Variants in ACIN1 observed in about 807,000 individuals in gnomAD.
ACIN1 encodes the protein apoptotic chromatin condensation inducer in the nucleus.
A neutral mutation model predicts 146.6 loss-of-function variants in ACIN1; 16 were observed. That is an observed-to-expected ratio of 0.11 (90% CI 0.07 to 0.17). The LOEUF (loss-of-function observed/expected upper bound fraction) is 0.17. Ranked by LOEUF, ACIN1 falls within the 10% of genes least tolerant of loss-of-function variation. The probability of loss-of-function intolerance (pLI) is 1.00; values close to 1 mark genes in which losing one functional copy is unlikely to be tolerated. For synonymous variants in ACIN1, 569 were observed against 582.7 expected (o/e 0.98, Z 0.34); for missense variants, 1,357 against 1,609.3 (o/e 0.84, Z 2.68).
Position 23,079,974 on chromosome 14 carries a change from T to C in ACIN1, c.1361A>G (p.Tyr454Cys), listed in dbSNP as rs112438189. 17 of 1,614,058 alleles carry C rather than the reference T, an allele frequency of 1.1e-5. No individual in the cohort carries two copies. Among genetic ancestry groups the C allele is most frequent in the African/African-American group, 9.3e-5 (7 of 74,998 alleles). The part of the protein sequence containing the change: ...PLVQKSTLAD[Y>C]SAQKDLEPES... ...AGGTTCAAGATCCTTCTGGGCTGAGTAGTCAGCCAGTGTGCTTTTCTGAAC... is the reference window on the plus strand; with the variant it reads ...AGGTTCAAGATCCTTCTGGGCTGAGCAGTCAGCCAGTGTGCTTTTCTGAAC... Residue 454 changes from tyrosine to cysteine, a missense_variant, in exon 6 of 19, where the codon TAC becomes TGC. Tyr to Cys is a radical substitution (Grantham distance 194). Around this residue, in one of 4 missense-constraint regions of ACIN1, gnomAD observed 771 missense variants for 746.6 expected, o/e 1.03. Coordinates refer to ENST00000605057, the MANE Select transcript of ACIN1 (RefSeq NM_001386863.1).
chr14:23,084,784 G>A (rs1027610809), intron 4 of ACIN1, among the ~76,000 whole-genome samples: 1 of 152,104 alleles, frequency 6.6e-6, no homozygotes, highest in Non-Finnish European at 1.5e-5. Flanking sequence ...GTTCATACAG[G>A]ATATATGATT....
chr14:23,069,709 C>A, intron 8 of ACIN1, 92 bp from the exon 9 acceptor site: 1 of 1,230,742 alleles, frequency 8.1e-7, no homozygotes, highest in Non-Finnish European at 1.1e-6. Context: ...TCAGGAAACC[C>A]TCCTGCCTCA....
chr14:23,087,408 T>C (rs1208581931), intron 4 of ACIN1, among the ~76,000 whole-genome samples: 4 of 152,060 alleles, frequency 2.6e-5, no homozygotes, highest in Non-Finnish European at 5.9e-5. Flanking sequence ...ACTCTACAAT[T>C]TACCACATTC....
chr14:23,061,576 T>G lies in ACIN1; in HGVS notation c.3146A>C (p.Lys1049Thr). ...GLLVDRPSET[K>T]TEEQGIPRPL... ...CCGTGGTATTCCCTGCTCCTCTGTCTTAGTTTCAGAGGGACGGTCCACCAA... is the reference window on the plus strand; with the variant it reads ...CCGTGGTATTCCCTGCTCCTCTGTCGTAGTTTCAGAGGGACGGTCCACCAA... The change falls in exon 17 of 19, where the codon AAG becomes ACG. Residue 1049 changes from lysine to threonine, a missense_variant. Lys to Thr is a moderately conservative substitution (Grantham distance 78). This residue lies in a region of ACIN1 where 509 missense variants were observed against 719.6 expected (regional missense o/e 0.71). Transcript: ENST00000605057. 6.4e-7 allele frequency: 1 copy of G among 1,564,250 alleles called. No homozygotes were observed. Among genetic ancestry groups the G allele is most frequent in the Admixed American group, 1.8e-5 (1 of 54,178 alleles).
In ACIN1 at chr14:23,064,134, C is replaced by G. The variant is rs763534511; in HGVS notation, c.2566G>C (p.Gly856Arg). 7 of 1,614,070 alleles carry G rather than the reference C, an allele frequency of 4.3e-6. No individual in the cohort carries two copies. The highest frequency in any genetic ancestry group is 5.9e-6 in the Non-Finnish European group (7 of 1,180,056). Reference protein sequence around the residue: ...RNGDDGTHDKGLKICRTVTQV... With the variant: ...RNGDDGTHDKRLKICRTVTQV... Reference sequence around the variant, plus strand: ...GTGACTGTCCGGCATATTTTCAGCCCCTTGTCATGGGTCCCATCATCGCCA... The same window carrying G: ...GTGACTGTCCGGCATATTTTCAGCCGCTTGTCATGGGTCCCATCATCGCCA... The change falls in exon 12 of 19, where the codon GGG becomes CGG. Residue 856 changes from glycine to arginine, a missense_variant. By Grantham distance (125) the Gly-to-Arg change is moderately radical. Transcript: ENST00000605057.
At chr14:23,095,205 C>A (rs779332236), upstream of ACIN1, 1 of 1,614,248 alleles carries the variant, frequency 6.2e-7, no homozygotes, top group Admixed American at 1.7e-5. Flanking sequence ...TGACCCCGCC[C>A]ACTGCCATAC....
chr14:23,062,420 A>G lies in ACIN1; in HGVS notation c.2987T>C (p.Val996Ala). The change falls in exon 15 of 19, where the codon GTA (valine) becomes GCA (alanine). Residue 996 changes from valine (V) to alanine (A), a missense_variant. Around this residue, in one of 4 missense-constraint regions of ACIN1, gnomAD observed 509 missense variants for 719.6 expected, o/e 0.71. Transcript: ENST00000605057. ...GAATCAGCTTCTTCCCCTCACCGTT[A>G]CAAAGCAATGAGATTTGATCTTGTC... ...WIDKIKSHCFVTYSTVEEAVA... is the reference protein window; with the variant it reads ...WIDKIKSHCFATYSTVEEAVA... 6.2e-7 allele frequency: 1 copy of G among 1,614,114 alleles called. No homozygotes were observed.
intron 3 of ACIN1, 99 bp from the exon 4 acceptor site, chr14:23,090,200 C>T: frequency 6.8e-7 from 1 of 1,476,764 alleles, no homozygotes; most frequent in Non-Finnish European, 9.1e-7. Context: ...GTCACAGATA[C>T]AGAGATACAT....
Position 23,067,402 on chromosome 14 carries a change from G to A in ACIN1, c.2266-1394C>T, listed in dbSNP as rs2047491101. 1 of 985,582 alleles carries A rather than the reference G, an allele frequency of 1.0e-6. No individual in the cohort carries two copies. The highest frequency in any genetic ancestry group is 6.2e-5 in the Admixed American group (1 of 16,234). 61.1% of individuals were successfully genotyped at this position (985,582 alleles called of 1,614,324 possible). Reference sequence around the variant, plus strand: ...AATCAGAATGAGCCCTCCCTGCTAGGCGCTGTGCAATTGGTGGGGGGTTGG... The same window carrying A: ...AATCAGAATGAGCCCTCCCTGCTAGACGCTGTGCAATTGGTGGGGGGTTGG... On this transcript the variant is annotated intron_variant, in intron 9 of 18. Coordinates refer to ENST00000605057, the MANE Select transcript of ACIN1 (RefSeq NM_001386863.1). The surrounding 1 kb of genome is among the most constrained non-coding windows in gnomAD (Gnocchi z 4.6).
chr14:23,085,640 A>G (rs1459692974), intron 4 of ACIN1, among the ~76,000 whole-genome samples: 1 of 152,224 alleles, frequency 6.6e-6, no homozygotes, highest in African/African-American at 2.4e-5. Context: ...CTCAGACATG[A>G]AACAAGAAAT....
intron 18 of ACIN1, among the ~76,000 whole-genome samples, chr14:23,059,777 C>T (rs945275113): frequency 2.0e-5 from 3 of 151,668 alleles, no homozygotes; most frequent in Admixed American, 1.3e-4. Flanking sequence ...CCTCAGCCTG[C>T]TGAGCAGCTG....
chr14:23,064,053 C>G, intron 12 of ACIN1, 52 bp downstream of exon 12: 1 of 1,606,344 alleles, frequency 6.2e-7, no homozygotes, highest in Non-Finnish European at 8.5e-7. Context: ...GCTAGCTGCT[C>G]TGCATCTACT....
intron 4 of ACIN1, among the ~76,000 whole-genome samples, chr14:23,086,127 T>A (rs1430872173): frequency 6.6e-6 from 1 of 152,138 alleles, no homozygotes; most frequent in Non-Finnish European, 1.5e-5. Context: ...GAAGCAGGAA[T>A]GAAGAGAATA....
chr14:23,062,327 C>T lies in ACIN1; in HGVS notation c.2992-52G>A, dbSNP rs780228258. ...GGTCACAGTGTGTCTGCAACCCTTC[C>T]CACGTGCTGCAACACCCTTAAACCT... On this transcript the variant is annotated intron_variant, in intron 15 of 18. Transcript: ENST00000605057. The T allele has an allele frequency of 6.9e-6, 11 of 1,592,768 alleles. No individual in the cohort carries two copies. In the South Asian group the frequency reaches 1.1e-4, roughly 16 times the overall value.
chr14:23,080,425 T>C lies in ACIN1; in HGVS notation c.910A>G (p.Lys304Glu). 1 of 1,614,156 alleles carries C rather than the reference T, an allele frequency of 6.2e-7. No homozygotes were observed. Residue 304 changes from lysine to glutamate, a missense_variant, in exon 6 of 19, where the codon AAA becomes GAA. Physicochemically the swap from Lys to Glu is moderately conservative, Grantham distance 56 (BLOSUM62 1). Around this residue, in one of 4 missense-constraint regions of ACIN1, gnomAD observed 771 missense variants for 746.6 expected, o/e 1.03. Transcript: ENST00000605057. ...TCCTCCTCAAGGGGAGATGTTGTTT[T>C]CATTTCCTTCTCCTGCTGCTGTCTG... ...LARQQQEKEM[K>E]TTSPLEEEER...
intron 8 of ACIN1, chr14:23,071,149 A>G: frequency 2.6e-6 from 4 of 1,551,352 alleles, no homozygotes; most frequent in Non-Finnish European, 3.5e-6. Flanking sequence ...TGATAACATG[A>G]TTTTTTTTCT....
At chr14:23,094,776 G>A in intron 1 of ACIN1, 199 bp downstream of exon 1, 2 of 856,706 alleles carry the variant, frequency 2.3e-6, no homozygotes, top group Non-Finnish European at 3.5e-6. Flanking sequence ...GGCTCGCGCT[G>A]CTGCCGTTAA....
At chr14:23,063,129 C>T in intron 13 of ACIN1, 55 bp from the exon 14 acceptor site, 2 of 1,525,174 alleles carry the variant, frequency 1.3e-6, no homozygotes, top group South Asian at 2.5e-5. Context: ...TGGCTCTTTT[C>T]ACCCTCAATG....
rs541271145 is a variant in ACIN1 at position 23,074,898 on chromosome 14, G to A, written c.2123+3253C>T. On this transcript the variant is annotated intron_variant, in intron 8 of 18. Transcript: ENST00000605057. ...TTAGTTATTATAGAAAATTCACGAGGAGCTGAAAAACTGACGTGAAAATTT... is the reference window on the plus strand; with the variant it reads ...TTAGTTATTATAGAAAATTCACGAGAAGCTGAAAAACTGACGTGAAAATTT... 1.4e-4 allele frequency among the ~76,000 whole-genome samples: 21 copies of A among 152,260 alleles called. 1 individual carries two copies. The highest frequency in any genetic ancestry group is 4.8e-4 in the African/African-American group (20 of 41,538).
Sources: allele counts gnomAD v4.1 joint callset (sites outside exome capture counted in the v4.1 genomes callset), GRCh38; gene constraint gnomAD v4.1.1; regional missense constraint gnomAD v4.1.1; non-coding constraint Gnocchi (gnomAD v3.1); transcripts MANE v1.5; gene names NCBI Gene and HGNC (gene_info 2026-07-23, HGNC 2026-07-21).